Variants in DCDC1 observed in about 807,000 individuals in gnomAD.
DCDC1 encodes the protein doublecortin domain-containing protein 1.
DCDC1 carries 200 observed loss-of-function variants against 178.3 expected under a neutral mutation model. The ratio of observed to expected loss-of-function variants is 1.12; its 90% confidence interval spans 1.00 to 1.26. DCDC1 has a LOEUF of 1.26. Ranked by LOEUF, DCDC1 falls within the 50% of genes most tolerant of loss-of-function variation. The pLI, the probability that DCDC1 is intolerant of heterozygous loss-of-function variation, is 0.00. For missense variants in DCDC1, 1,983 were observed against 1,749.2 expected, an observed-to-expected ratio of 1.13 and a Z score of -2.38; for synonymous variants, 690 against 604.8, an observed-to-expected ratio of 1.14 and a Z score of -2.07.
chr11:31,032,193 A>T (rs1953695992), intron 20 of DCDC1, among the ~76,000 whole-genome samples: 1 of 152,154 alleles, frequency 6.6e-6, no homozygotes, highest in Non-Finnish European at 1.5e-5. Flanking sequence ...GTTCATATAG[A>T]TCAAGATCTC....
rs777913305 is a variant in DCDC1 at position 31,369,694 on chromosome 11, T to TA, written c.-125+2dup. 6.5e-6 allele frequency: 1 copy of TA among 152,674 alleles called. No individual in the cohort carries two copies. The highest frequency in any genetic ancestry group is 1.5e-5 in the Non-Finnish European group (1 of 68,064). 9.5% of individuals were successfully genotyped at this position (152,674 alleles called of 1,614,324 possible). On this transcript the variant is annotated splice_region_variant and intron_variant, in intron 1 of 38. Transcript: ENST00000684477. ...CGCCTTTCTTCACAGTTTGGGAACT[T>TA]ACTGGTAGTAAACGCCACTCCATAG...
chr11:31,138,561 T>C (rs1274928346), intron 9 of DCDC1, among the ~76,000 whole-genome samples: 1 of 152,230 alleles, frequency 6.6e-6, no homozygotes, highest in Non-Finnish European at 1.5e-5. Flanking sequence ...ACCCTCTGAA[T>C]TGGAATATTT....
intron 20 of DCDC1, among the ~76,000 whole-genome samples, chr11:31,022,856 T>C (rs1952978226): frequency 1.3e-5 from 2 of 152,076 alleles, no homozygotes; most frequent in Non-Finnish European, 2.9e-5. Context: ...TAAACTTTAT[T>C]TGGATTGTTA....
intron 21 of DCDC1, among the ~76,000 whole-genome samples, chr11:30,934,938 C>T (rs1947175806): frequency 6.6e-6 from 1 of 152,118 alleles, no homozygotes; most frequent in African/African-American, 2.4e-5. Context: ...TTATTAGGGT[C>T]TGGGTTTGGA....
intron 20 of DCDC1, among the ~76,000 whole-genome samples, chr11:31,027,659 A>G (rs1157421621): frequency 6.6e-6 from 1 of 151,918 alleles, no homozygotes; most frequent in African/African-American, 2.4e-5. Flanking sequence ...TTGATTATCT[A>G]CACTGATGAT....
Position 31,265,609 on chromosome 11 carries a change from G to A in DCDC1, c.961-9C>T, listed in dbSNP as rs947938468. The A allele has an allele frequency of 1.2e-5, 15 of 1,301,574 alleles. No individual in the cohort carries two copies. The highest frequency in any genetic ancestry group is 2.1e-4 in the Middle Eastern group (1 of 4,788). 80.6% of individuals were successfully genotyped at this position (1,301,574 alleles called of 1,614,324 possible). On this transcript the variant is annotated splice_polypyrimidine_tract_variant and intron_variant, in intron 7 of 38. Transcript: ENST00000684477. Reference sequence around the variant, plus strand: ...GTACAAGTATCTAAAACCTGTGCAGGAAAAAAAAATTATAAATAATTTAGT... The same window carrying A: ...GTACAAGTATCTAAAACCTGTGCAGAAAAAAAAAATTATAAATAATTTAGT...
chr11:31,214,619 C>A (rs980781718), intron 9 of DCDC1, among the ~76,000 whole-genome samples: 7 of 151,762 alleles, frequency 4.6e-5, no homozygotes, highest in Non-Finnish European at 8.8e-5. Flanking sequence ...TGAACAAGTA[C>A]AAAATAATAG....
chr11:31,150,104 T>C (rs1447375547), intron 9 of DCDC1, among the ~76,000 whole-genome samples: 3 of 152,230 alleles, frequency 2.0e-5, no homozygotes, highest in Admixed American at 2.0e-4. Flanking sequence ...CGTTTGTTGA[T>C]TTTTTAATTA....
chr11:31,135,913 T>TATA (rs1963072144), intron 10 of DCDC1, among the ~76,000 whole-genome samples: 1 of 152,176 alleles, frequency 6.6e-6, no homozygotes, highest in South Asian at 2.1e-4. Flanking sequence ...ACGTATTTGC[T>TATA]ATACTGATCA....
chr11:31,058,342 C>T (rs1258105233), intron 20 of DCDC1, among the ~76,000 whole-genome samples: 4 of 152,104 alleles, frequency 2.6e-5, no homozygotes, highest in African/African-American at 9.7e-5. Flanking sequence ...GAGTACCCAC[C>T]ATGTACCGGG....
intron 15 of DCDC1, among the ~76,000 whole-genome samples, chr11:31,100,201 G>C (rs1411253116): frequency 6.6e-6 from 1 of 152,098 alleles, no homozygotes; most frequent in Non-Finnish European, 1.5e-5. Flanking sequence ...TAACAATCTG[G>C]CTTGGCTAAC....
At chr11:31,216,905 C>T (rs1973651217) in intron 9 of DCDC1, among the ~76,000 whole-genome samples, 1 of 152,216 alleles carries the variant, frequency 6.6e-6, no homozygotes. Flanking sequence ...CAGTTCCTCT[C>T]ATCCCTCAAT....
chr11:31,059,897 A>G (rs969383183), intron 20 of DCDC1, among the ~76,000 whole-genome samples: 1 of 152,068 alleles, frequency 6.6e-6, no homozygotes, highest in Non-Finnish European at 1.5e-5. Context: ...GGTTTTTACA[A>G]TTTATAATTA....
In DCDC1 at chr11:30,893,013, C is replaced by G. The variant is rs1177677503; in HGVS notation, c.4903-16G>C. ...AAAGGTGTGCCTGTCAAGAAAAGCC[C>G]AGAGAATGTTGTGTTTAGAGAACTG... On this transcript the variant is annotated splice_polypyrimidine_tract_variant and intron_variant, in intron 35 of 38. Transcript: ENST00000684477. 6.2e-7 allele frequency: 1 copy of G among 1,612,794 alleles called. No individual in the cohort carries two copies. The highest frequency in any genetic ancestry group is 8.5e-7 in the Non-Finnish European group (1 of 1,179,520).
chr11:31,163,445 A>G (rs562440253), intron 9 of DCDC1, among the ~76,000 whole-genome samples: 3 of 152,130 alleles, frequency 2.0e-5, no homozygotes, highest in South Asian at 2.1e-4. Flanking sequence ...ATTCCCATTC[A>G]TTTGTTTTGT....
At chr11:31,086,707 T>G (rs1177390365) in intron 17 of DCDC1, among the ~76,000 whole-genome samples, 2 of 152,206 alleles carry the variant, frequency 1.3e-5, no homozygotes, top group Non-Finnish European at 2.9e-5. Flanking sequence ...TATGATCATT[T>G]AGAGCTAATT....
In DCDC1 at chr11:30,953,278, A is replaced by C. The variant is rs1425208714; in HGVS notation, c.2592-710T>G. Among the ~76,000 whole-genome samples, 6 of 148,450 alleles carry C rather than the reference A, an allele frequency of 4.0e-5. No homozygotes were observed. The Admixed American group carries it at 4.1e-4, about 10-fold the overall frequency. ...TAATTATATTAATTACATTATATAT[A>C]AGTATTATATTTATTATCATAAGCA... On this transcript the variant is annotated intron_variant, in intron 20 of 38. Transcript: ENST00000684477.
At position 30,922,495 on chromosome 11, in the gene DCDC1, A is replaced by G. The variant is rs551548491; in HGVS notation, c.3133+8T>C. ...GAATATATTAAGGTAAATAATTCCAATGCTTACCTTCTATTTTATGTGTGC... is the reference window on the plus strand; with the variant it reads ...GAATATATTAAGGTAAATAATTCCAGTGCTTACCTTCTATTTTATGTGTGC... On this transcript the variant is annotated splice_region_variant and intron_variant, in intron 24 of 38. Coordinates refer to ENST00000684477, the MANE Select transcript of DCDC1 (RefSeq NM_001387274.1). 11 of 1,516,678 alleles carry G rather than the reference A, an allele frequency of 7.3e-6. No homozygotes were observed. Among genetic ancestry groups the G allele is most frequent in the South Asian group, 2.7e-5 (2 of 75,428 alleles). 94.0% of individuals were successfully genotyped at this position (1,516,678 alleles called of 1,614,324 possible).
At chr11:31,253,727 C>T (rs1270397349) in intron 8 of DCDC1, among the ~76,000 whole-genome samples, 4 of 152,118 alleles carry the variant, frequency 2.6e-5, no homozygotes, top group Non-Finnish European at 4.4e-5. Flanking sequence ...ATAGTATGTG[C>T]TTTTTTCTTT....
Sources: allele counts gnomAD v4.1 joint callset (sites outside exome capture counted in the v4.1 genomes callset), GRCh38; gene constraint gnomAD v4.1.1; transcripts MANE v1.5; gene names NCBI Gene and HGNC (gene_info 2026-07-23, HGNC 2026-07-21).